The following KIAA1217 variants were observed in gnomAD, a reference collection of about 807,000 sequenced individuals.
KIAA1217 encodes sickle tail protein homolog.
KIAA1217 carries 88 observed loss-of-function variants against 163.9 expected under a neutral mutation model. The observed-to-expected ratio is 0.54, with a 90% confidence interval of 0.45 to 0.64. The LOEUF (loss-of-function observed/expected upper bound fraction) is 0.64. KIAA1217 is among the 30% of genes least tolerant of loss of function. The probability of loss-of-function intolerance (pLI) is 0.00; values close to 1 mark genes in which losing one functional copy is unlikely to be tolerated. For missense variants in KIAA1217, 2,372 were observed against 2,475.0 expected (o/e 0.96, Z 0.88); for synonymous variants, 903 against 923.1 (o/e 0.98, Z 0.39).
chr10:24,200,049 T>C (rs141707017), intron 2 of KIAA1217, among the ~76,000 whole-genome samples: 1 of 152,060 alleles, frequency 6.6e-6, no homozygotes, highest in African/African-American at 2.4e-5. Flanking sequence ...TTCCCCCCCA[T>C]GCACCCCTGC....
chr10:24,435,994 G>A (rs1308407566), intron 4 of KIAA1217, among the ~76,000 whole-genome samples: 1 of 151,828 alleles, frequency 6.6e-6, no homozygotes, highest in Non-Finnish European at 1.5e-5. Flanking sequence ...CCGAGTAGCT[G>A]GGACTACAGG....
intron 2 of KIAA1217, among the ~76,000 whole-genome samples, chr10:24,163,581 A>T (rs1345964690): frequency 1.3e-5 from 2 of 152,212 alleles, no homozygotes; most frequent in African/African-American, 2.4e-5. Context: ...TTTTCCGTTC[A>T]TTATTCATAC....
At chr10:23,808,294 G>T (rs891238130) in intron 1 of KIAA1217, among the ~76,000 whole-genome samples, 1 of 152,206 alleles carries the variant, frequency 6.6e-6, no homozygotes, top group African/African-American at 2.4e-5. Flanking sequence ...AGGCCTGTGA[G>T]TAATGAAGTA....
At chr10:24,031,726 C>A (rs1273046891) in intron 2 of KIAA1217, among the ~76,000 whole-genome samples, 1 of 152,054 alleles carries the variant, frequency 6.6e-6, no homozygotes, top group Non-Finnish European at 1.5e-5. Flanking sequence ...TTCTTTATCA[C>A]TTATGTGTAA....
At chr10:23,833,406 C>T (rs1293945898) in intron 1 of KIAA1217, among the ~76,000 whole-genome samples, 1 of 151,734 alleles carries the variant, frequency 6.6e-6, no homozygotes, top group Non-Finnish European at 1.5e-5. Flanking sequence ...TTGCTTGAAC[C>T]CAGGAGATGG....
intron 5 of KIAA1217, among the ~76,000 whole-genome samples, chr10:24,441,045 C>A (rs981323715): frequency 1.3e-5 from 2 of 152,220 alleles, no homozygotes; most frequent in Non-Finnish European, 2.9e-5. Flanking sequence ...GCTGCACAAC[C>A]CACTGCCCAT....
intron 2 of KIAA1217, among the ~76,000 whole-genome samples, chr10:24,171,136 G>A (rs1274172305): frequency 2.0e-5 from 3 of 152,192 alleles, no homozygotes; most frequent in Non-Finnish European, 4.4e-5. Flanking sequence ...GACATAATCA[G>A]AATTATCTTC....
intron 2 of KIAA1217, among the ~76,000 whole-genome samples, chr10:24,312,472 A>G (rs1419048979): frequency 6.6e-6 from 1 of 152,110 alleles, no homozygotes. Context: ...TACAAAAATT[A>G]GCTGGGCGTG....
chr10:24,004,688 C>A (rs1380107559), intron 1 of KIAA1217, among the ~76,000 whole-genome samples: 3 of 152,248 alleles, frequency 2.0e-5, no homozygotes, highest in Non-Finnish European at 4.4e-5. Flanking sequence ...ACTGTGCATG[C>A]ACAAATTGTC....
intron 1 of KIAA1217, among the ~76,000 whole-genome samples, chr10:23,853,609 C>G (rs538360779): frequency 6.6e-6 from 1 of 152,082 alleles, no homozygotes; most frequent in African/African-American, 2.4e-5. Context: ...CTCCTTGTAC[C>G]TCTGGTAGAA....
At chr10:24,045,389 C>T (rs1848930972) in intron 2 of KIAA1217, among the ~76,000 whole-genome samples, 1 of 152,008 alleles carries the variant, frequency 6.6e-6, no homozygotes, top group African/African-American at 2.4e-5. Flanking sequence ...TAATGGCCTT[C>T]GGTTCTGAGT....
chr10:23,785,958 C>T (rs774429161), intron 1 of KIAA1217, among the ~76,000 whole-genome samples: 9 of 152,066 alleles, frequency 5.9e-5, no homozygotes, highest in Non-Finnish European at 1.2e-4. Context: ...GAGACCAATG[C>T]TGGGCAGACA....
chr10:23,926,806 T>G (rs1384133419), intron 1 of KIAA1217, among the ~76,000 whole-genome samples: 1 of 152,080 alleles, frequency 6.6e-6, no homozygotes, highest in Admixed American at 6.6e-5. Flanking sequence ...CCTCCCTCTT[T>G]TCTTCCTCCC....
chr10:24,014,990 T>C (rs959327966), intron 2 of KIAA1217, among the ~76,000 whole-genome samples: 3 of 152,184 alleles, frequency 2.0e-5, no homozygotes, highest in Admixed American at 2.0e-4. Context: ...AAAAATATAA[T>C]AATATTCTTG....
At chr10:24,474,916 G>T (rs1222461738) in intron 6 of KIAA1217, among the ~76,000 whole-genome samples, 1 of 152,160 alleles carries the variant, frequency 6.6e-6, no homozygotes, top group Non-Finnish European at 1.5e-5. Flanking sequence ...GAATCAAGGG[G>T]TATGAAAAAT....
chr10:23,879,702 A>G (rs1271320348), intron 1 of KIAA1217, among the ~76,000 whole-genome samples: 2 of 151,912 alleles, frequency 1.3e-5, no homozygotes, highest in Non-Finnish European at 2.9e-5. Flanking sequence ...TATAAAAGAG[A>G]GTAGAGAATC....
At chr10:24,120,058 C>A (rs2063220044) in intron 2 of KIAA1217, among the ~76,000 whole-genome samples, 1 of 152,194 alleles carries the variant, frequency 6.6e-6, no homozygotes, top group Non-Finnish European at 1.5e-5. Context: ...AAACATGATT[C>A]CTATGCGTCA....
At chr10:24,008,827 G>A (rs1847122835) in intron 2 of KIAA1217, among the ~76,000 whole-genome samples, 1 of 152,168 alleles carries the variant, frequency 6.6e-6, no homozygotes, top group African/African-American at 2.4e-5. Context: ...ACACGAGGGA[G>A]CAGACCTGGC....
chr10:23,905,426 G>A (rs11013782), intron 1 of KIAA1217, among the ~76,000 whole-genome samples: 1 of 152,160 alleles, frequency 6.6e-6, no homozygotes, highest in East Asian at 1.9e-4. Context: ...ACTTCCTTCA[G>A]ATGCCCAATG....
Sources: allele counts gnomAD v4.1 joint callset (sites outside exome capture counted in the v4.1 genomes callset), GRCh38; gene constraint gnomAD v4.1.1; transcripts MANE v1.5; gene names NCBI Gene and HGNC (gene_info 2026-07-23, HGNC 2026-07-21).